INPP4B: variants seen among roughly 807,000 people sequenced by gnomAD.
INPP4B encodes inositol polyphosphate-4-phosphatase type II B.
Under a neutral mutation model 122.5 loss-of-function variants are expected in INPP4B, and 55 were observed. The ratio of observed to expected loss-of-function variants is 0.45; its 90% CI spans 0.36 to 0.56. The LOEUF is 0.56. INPP4B is among the 20% of genes least tolerant of loss of function. INPP4B has a pLI of 0.00. For missense variants in INPP4B, 1,000 were observed against 1,097.7 expected, an observed-to-expected ratio of 0.91 and a Z score of 1.26; for synonymous variants, 403 against 388.7, an observed-to-expected ratio of 1.04 and a Z score of -0.43.
chr4:142,626,626 G>T (rs1337740464), intron 2 of INPP4B, among the ~76,000 whole-genome samples: 1 of 151,988 alleles, frequency 6.6e-6, no homozygotes, highest in Admixed American at 6.6e-5. Flanking sequence ...CATGGGCAAT[G>T]ACCCCAGTTA....
At chr4:142,586,718 A>C (rs1736286243) in intron 2 of INPP4B, among the ~76,000 whole-genome samples, 1 of 152,176 alleles carries the variant, frequency 6.6e-6, no homozygotes, top group South Asian at 2.1e-4. Flanking sequence ...AATACTGAGA[A>C]AGTATATAGA....
intron 7 of INPP4B, among the ~76,000 whole-genome samples, chr4:142,365,969 G>T (rs1561940405): frequency 6.6e-6 from 1 of 152,002 alleles, no homozygotes; most frequent in Admixed American, 6.6e-5. Context: ...ATTTTTGGGG[G>T]TGGTATCATA....
chr4:142,776,902 T>C (rs1382021090), intron 1 of INPP4B, among the ~76,000 whole-genome samples: 1 of 152,114 alleles, frequency 6.6e-6, no homozygotes, highest in Non-Finnish European at 1.5e-5. Context: ...GGCCTGAATT[T>C]GAAAATGATC....
intron 15 of INPP4B, among the ~76,000 whole-genome samples, chr4:142,187,833 C>T (rs1180624907): frequency 6.6e-6 from 1 of 152,088 alleles, no homozygotes; most frequent in Non-Finnish European, 1.5e-5. Flanking sequence ...TGAGCTCAAG[C>T]CAACCACTGG....
At chr4:142,782,905 C>A (rs1775110416) in intron 1 of INPP4B, among the ~76,000 whole-genome samples, 1 of 152,080 alleles carries the variant, frequency 6.6e-6, no homozygotes, top group Admixed American at 6.6e-5. Flanking sequence ...GAAAAACAAG[C>A]AATGGGGAAA....
rs976007086 is a variant in INPP4B at position 142,720,190 on chromosome 4, A to C, written c.-191+5649T>G. Reference sequence around the variant, plus strand: ...CTGGTTTAGAAAATAATTCAAAAATATTTTATGCCTGCACTCCTACTCTTT... The same window carrying C: ...CTGGTTTAGAAAATAATTCAAAAATCTTTTATGCCTGCACTCCTACTCTTT... On this transcript the variant is annotated intron_variant, in intron 2 of 25. Transcript: ENST00000262992. 2.0e-5 allele frequency among the ~76,000 whole-genome samples: 3 copies of C among 152,198 alleles called. No individual in the cohort carries two copies. In the East Asian group the frequency reaches 5.8e-4, roughly 29 times the overall value.
intron 7 of INPP4B, chr4:142,383,861 A>C: frequency 4.0e-6 from 2 of 497,830 alleles, no homozygotes; most frequent in Non-Finnish European, 7.1e-6. Context: ...GCTTTGAATA[A>C]TATCCGGGTG....
intron 18 of INPP4B, among the ~76,000 whole-genome samples, chr4:142,127,199 A>G (rs1799009820): frequency 1.3e-5 from 2 of 152,176 alleles, no homozygotes; most frequent in Admixed American, 6.6e-5. Flanking sequence ...TTGTTTAAGC[A>G]TCTTGCATGG....
chr4:142,493,048 A>G (rs1186124885), intron 2 of INPP4B, among the ~76,000 whole-genome samples: 1 of 152,220 alleles, frequency 6.6e-6, no homozygotes, highest in African/African-American at 2.4e-5. Context: ...AAAAGATGCC[A>G]ATGTACAGCT....
rs117267975 is a variant in INPP4B at position 142,726,271 on chromosome 4, A to C, written c.-253-370T>G. On this transcript the variant is annotated intron_variant, in intron 1 of 25. Transcript: ENST00000262992. ...AGGACAGAACATTTACTTGGAATACAATGGACTGAAATGGAATTTAAAATT... is the reference window on the plus strand; with the variant it reads ...AGGACAGAACATTTACTTGGAATACCATGGACTGAAATGGAATTTAAAATT... 1.2e-4 allele frequency among the ~76,000 whole-genome samples: 19 copies of C among 152,332 alleles called. No homozygotes were observed. In the East Asian group the frequency reaches 3.7e-3, roughly 29 times the overall value.
intron 2 of INPP4B, among the ~76,000 whole-genome samples, chr4:142,567,249 C>G (rs990174051): frequency 1.3e-5 from 2 of 152,064 alleles, no homozygotes; most frequent in Admixed American, 6.6e-5. Context: ...TGAATAAATT[C>G]GAATCCATAC....
In INPP4B at chr4:142,305,496, C is replaced by G; in HGVS notation, c.465G>C (p.Leu155=). The G allele has an allele frequency of 6.2e-7, 1 of 1,613,054 alleles. No individual in the cohort carries two copies. The highest frequency in any genetic ancestry group is 8.5e-7 in the Non-Finnish European group (1 of 1,179,370). Residue 155 remains leucine, a synonymous_variant, in exon 9 of 26, where the codon CTG becomes CTC. Transcript: ENST00000262992. ...CCAGCAATTGCTCCTTTGACTTCAG[C>G]AGCTCTCCCACTTTAAAACTGGCAT... ...LGYASFKVGE[L]LKSKEQLLVL...
At chr4:142,220,682 T>C (rs971736508) in intron 12 of INPP4B, among the ~76,000 whole-genome samples, 2 of 152,168 alleles carry the variant, frequency 1.3e-5, no homozygotes, top group Non-Finnish European at 2.9e-5. Context: ...TAAGAAAATA[T>C]CATGGACTTG....
chr4:142,544,888 C>G (rs1297324281), intron 2 of INPP4B, among the ~76,000 whole-genome samples: 1 of 152,072 alleles, frequency 6.6e-6, no homozygotes, highest in Non-Finnish European at 1.5e-5. Context: ...GAGTAATAAA[C>G]CTGTTGAAGT....
chr4:142,025,009 C>T lies in INPP4B; in HGVS notation c.*3773G>A, dbSNP rs1048894185. ...ACATTTATATAACCAAAATTATAGC[C>T]ATCTGAAGATAAGGGATTGCATTTG... On this transcript the variant is annotated 3_prime_UTR_variant, in exon 26 of 26. Coordinates refer to ENST00000262992, the MANE Select transcript of INPP4B (RefSeq NM_001101669.3). The T allele has an allele frequency of 6.6e-6, 1 of 151,982 alleles. No individual in the cohort carries two copies. Among genetic ancestry groups the T allele is most frequent in the Non-Finnish European group, 1.5e-5 (1 of 67,994 alleles). The allele number at this position is 151,982 out of a possible 1,614,324, so 9.4% of individuals were successfully genotyped here.
chr4:142,028,992 C>A (rs1225768585), intron 25 of INPP4B, 78 bp from the exon 26 acceptor site: 6 of 1,502,990 alleles, frequency 4.0e-6, no homozygotes, highest in Non-Finnish European at 5.3e-6. Flanking sequence ...TGCAGAGTTG[C>A]AGCAACCATC....
chr4:142,029,924 C>T (rs1738736239), intron 25 of INPP4B: 2 of 1,255,538 alleles, frequency 1.6e-6, no homozygotes, highest in South Asian at 5.2e-5. Flanking sequence ...CAGTGGGAAA[C>T]ACCTTTCCAT....
intron 9 of INPP4B, among the ~76,000 whole-genome samples, chr4:142,297,992 T>C (rs976780714): frequency 2.6e-5 from 4 of 152,136 alleles, no homozygotes; most frequent in African/African-American, 9.7e-5. Flanking sequence ...TTAATAGATG[T>C]TAAAGAGACA....
intron 2 of INPP4B, among the ~76,000 whole-genome samples, chr4:142,635,994 T>A (rs1749071902): frequency 6.6e-6 from 1 of 152,222 alleles, no homozygotes; most frequent in Non-Finnish European, 1.5e-5. Context: ...TGAATTATAA[T>A]AATCCCCACA....
Sources: gnomAD v4.1 joint callset for allele counts (sites outside exome capture counted in the v4.1 genomes callset) on GRCh38, gnomAD v4.1.1 for gene constraint, MANE v1.5 for transcripts, NCBI Gene and HGNC (gene_info 2026-07-23, HGNC 2026-07-21) for gene names.